The following RIMS3 variants were observed in gnomAD, a reference collection of about 807,000 sequenced individuals.
The protein encoded by RIMS3 is regulating synaptic membrane exocytosis protein 3.
RIMS3 carries 15 observed loss-of-function variants against 29.2 expected under a neutral mutation model. The observed-to-expected ratio is 0.51, with a 90% CI of 0.34 to 0.79. RIMS3 has a LOEUF of 0.79. Among genes scored for constraint, RIMS3 ranks in the 30% least tolerant of loss-of-function variants. The pLI is 0.01. For synonymous variants in RIMS3, 161 were observed against 170.1 expected, an observed-to-expected ratio of 0.95 and a Z score of 0.41; for missense variants, 342 against 421.4, an observed-to-expected ratio of 0.81 and a Z score of 1.65.
chr1:40,629,253 A>T lies in RIMS3; in HGVS notation c.574+18T>A. On this transcript the variant is annotated intron_variant, in intron 6 of 7. Coordinates refer to ENST00000372684, the MANE Select transcript of RIMS3 (RefSeq NM_014747.3). ...CTATGCCCCTCCCTGTCAGGACCCC[A>T]TTTCCAAAATCCCTCACCTGGGAGG... is the stretch of plus-strand genomic sequence containing the variant. 2 of 1,607,226 alleles carry T rather than the reference A, an allele frequency of 1.2e-6. No homozygotes were observed.
At chr1:40,628,982 G>T in intron 6 of RIMS3, 33 bp from the exon 7 acceptor site, 1 of 1,612,256 alleles carries the variant, frequency 6.2e-7, no homozygotes, top group Non-Finnish European at 8.5e-7. Context: ...ACAGGGAGGG[G>T]TCCAGGACAG....
upstream of RIMS3, among the ~76,000 whole-genome samples, chr1:40,667,080 T>C (rs974409456): frequency 6.6e-6 from 1 of 151,826 alleles, no homozygotes; most frequent in Non-Finnish European, 1.5e-5. Flanking sequence ...TTATTGGGAT[T>C]AAAGGATCCT....
chr1:40,647,866 G>C (rs1230921303), intron 1 of RIMS3, 24 bp from the exon 2 acceptor site: 1 of 152,254 alleles, frequency 6.6e-6, no homozygotes, highest in Non-Finnish European at 1.5e-5. Flanking sequence ...GAGGAGCTTA[G>C]AGGAAGGGCT....
At chr1:40,646,587 G>C (rs1646597421) in intron 2 of RIMS3, among the ~76,000 whole-genome samples, 1 of 152,084 alleles carries the variant, frequency 6.6e-6, no homozygotes, top group Non-Finnish European at 1.5e-5. Context: ...AGTTCTTCCT[G>C]CTGACTCCCA....
chr1:40,691,709 C>A, the RIMS3 span: 1 of 453,748 alleles, frequency 2.2e-6, no homozygotes, highest in Non-Finnish European at 4.4e-6. Flanking sequence ...ACGGTGCAAA[C>A]GGCGTGGCCG....
intron 2 of RIMS3, among the ~76,000 whole-genome samples, chr1:40,646,449 T>C (rs370207991): frequency 6.6e-6 from 1 of 152,104 alleles, no homozygotes; most frequent in East Asian, 1.9e-4. Context: ...AACTATACCC[T>C]TCCCACGCAA....
chr1:40,653,217 A>T (rs1642218794), intron 1 of RIMS3, among the ~76,000 whole-genome samples: 1 of 152,152 alleles, frequency 6.6e-6, no homozygotes, highest in Non-Finnish European at 1.5e-5. Flanking sequence ...TCCAAAGAAA[A>T]AATGGGGTGT....
At chr1:40,676,530 G>A in the RIMS3 span, among the ~76,000 whole-genome samples, 1 of 152,092 alleles carries the variant, frequency 6.6e-6, no homozygotes, top group Non-Finnish European at 1.5e-5. Flanking sequence ...AACCAGGGCT[G>A]GTGTTTCTCC....
the RIMS3 span, among the ~76,000 whole-genome samples, chr1:40,674,182 A>G: frequency 6.6e-6 from 1 of 152,212 alleles, no homozygotes. Flanking sequence ...AGGAGGAGGA[A>G]GAAGATATTC....
At chr1:40,629,226 C>T (rs1646473296) in intron 6 of RIMS3, 45 bp downstream of exon 6, 1 of 1,516,832 alleles carries the variant, frequency 6.6e-7, no homozygotes. Context: ...CAGAGCTCGG[C>T]TCTATGCCCC....
At chr1:40,689,292 C>T in the RIMS3 span, among the ~76,000 whole-genome samples, 1 of 151,810 alleles carries the variant, frequency 6.6e-6, no homozygotes, top group Non-Finnish European at 1.5e-5. Context: ...TTCTTTCTTT[C>T]TTTTTTTGAG....
chr1:40,652,177 C>G (rs527291557), intron 1 of RIMS3, among the ~76,000 whole-genome samples: 5 of 152,304 alleles, frequency 3.3e-5, no homozygotes, highest in African/African-American at 1.2e-4. Context: ...GGCTGCTAAA[C>G]TTGGCACTGG....
upstream of RIMS3, among the ~76,000 whole-genome samples, chr1:40,667,868 C>A (rs971813914): frequency 6.6e-6 from 1 of 152,184 alleles, no homozygotes; most frequent in African/African-American, 2.4e-5. Flanking sequence ...GTGGCTCATG[C>A]CAGTAATCCC....
At chr1:40,631,370 G>A (rs770354419) in intron 5 of RIMS3, among the ~76,000 whole-genome samples, 2 of 152,030 alleles carry the variant, frequency 1.3e-5, no homozygotes, top group Non-Finnish European at 2.9e-5. Context: ...ACCCTACCTC[G>A]CCCCCACCCA....
intron 2 of RIMS3, among the ~76,000 whole-genome samples, chr1:40,645,561 A>G (rs979696902): frequency 6.6e-6 from 1 of 152,132 alleles, no homozygotes; most frequent in African/African-American, 2.4e-5. Context: ...AACTAAAAGG[A>G]AAGTGTCTAT....
chr1:40,675,088 G>T, the RIMS3 span, among the ~76,000 whole-genome samples: 1 of 152,032 alleles, frequency 6.6e-6, no homozygotes, highest in East Asian at 1.9e-4. Context: ...GTGAGACTTT[G>T]TCTCTACGAA....
rs1254775757 is a variant in RIMS3 at position 40,635,674 on chromosome 1, C to T, written c.359+242G>A. On this transcript the variant is annotated intron_variant, in intron 4 of 7. Coordinates refer to ENST00000372684, the MANE Select transcript of RIMS3 (RefSeq NM_014747.3). The surrounding 1 kb of genome is among the most constrained non-coding windows in gnomAD (Gnocchi z 4.1). ...GGGAGGTGGGAGGTAAGGGTCCCTT[C>T]CTGAAACATACAGAAGGAACTGATA... 6.6e-6 allele frequency among the ~76,000 whole-genome samples: 1 copy of T among 152,180 alleles called. No homozygotes were observed. Among genetic ancestry groups the T allele is most frequent in the Admixed American group, 6.5e-5 (1 of 15,280 alleles).
intron 3 of RIMS3, among the ~76,000 whole-genome samples, chr1:40,637,408 C>T (rs1646527506): frequency 6.6e-6 from 1 of 152,166 alleles, no homozygotes; most frequent in South Asian, 2.1e-4. Flanking sequence ...GGAGGAATGC[C>T]TTCTCTGAAA....
At chr1:40,682,214 T>G in the RIMS3 span, among the ~76,000 whole-genome samples, 1 of 152,226 alleles carries the variant, frequency 6.6e-6, no homozygotes, top group Non-Finnish European at 1.5e-5. Context: ...TTTCATTCAT[T>G]CATTCATTCA....
Sources: gnomAD v4.1 joint callset for allele counts (sites outside exome capture counted in the v4.1 genomes callset) on GRCh38, gnomAD v4.1.1 for gene constraint, Gnocchi (gnomAD v3.1) non-coding constraint, MANE v1.5 for transcripts, NCBI Gene and HGNC (gene_info 2026-07-23, HGNC 2026-07-21) for gene names.